The following STK3 variants were observed in gnomAD, a reference collection of about 807,000 sequenced individuals.
The protein encoded by STK3 is serine/threonine kinase 3.
A neutral mutation model predicts 58.0 loss-of-function variants in STK3; 41 were observed. The observed-to-expected ratio is 0.71, with a 90% CI of 0.55 to 0.92. The LOEUF is 0.92. STK3 is among the 40% of genes least tolerant of loss of function. The probability of loss-of-function intolerance (pLI) is 0.00; values close to 1 mark genes in which losing one functional copy is unlikely to be tolerated. For missense variants in STK3, 479 were observed against 602.7 expected (o/e 0.79, Z 2.15); for synonymous variants, 170 against 191.0 (o/e 0.89, Z 0.91).
chr8:98,417,708 G>C (rs1289724246), intron 3 of STK3, among the ~76,000 whole-genome samples: 1 of 151,990 alleles, frequency 6.6e-6, no homozygotes, highest in Non-Finnish European at 1.5e-5. Context: ...CTAGTTACTA[G>C]ACGTTAATCC....
intron 1 of STK3, among the ~76,000 whole-genome samples, chr8:98,803,901 G>C (rs1051858757): frequency 6.6e-6 from 1 of 152,050 alleles, no homozygotes; most frequent in Admixed American, 6.6e-5. Context: ...CCAATCTAGT[G>C]GGAAAGATAG....
chr8:98,531,105 C>G (rs1265503664), intron 9 of STK3, among the ~76,000 whole-genome samples: 4 of 152,224 alleles, frequency 2.6e-5, no homozygotes, highest in Non-Finnish European at 5.9e-5. Flanking sequence ...CTTTTTACTT[C>G]CTCCTATGAA....
At chr8:98,726,124 A>C (rs944313707) in intron 4 of STK3, among the ~76,000 whole-genome samples, 2 of 152,212 alleles carry the variant, frequency 1.3e-5, no homozygotes, top group African/African-American at 4.8e-5. Context: ...CTGCCTGCAG[A>C]GGAATGTACA....
At position 98,422,427 on chromosome 8, in the gene STK3, C is replaced by T. The variant is rs552139486; in HGVS notation, n.483+11700G>A. On this transcript the variant is annotated intron_variant and non_coding_transcript_variant, in intron 3 of 3. Transcript: ENST00000517832. Reference sequence around the variant, plus strand: ...GCCTCCATCCCCAGCAACGCCCCTGCGCCCTTGCTACTGTAAAGCCACCCA... The same window carrying T: ...GCCTCCATCCCCAGCAACGCCCCTGTGCCCTTGCTACTGTAAAGCCACCCA... Among the ~76,000 whole-genome samples, 57 of 152,274 alleles carry T rather than the reference C, an allele frequency of 3.7e-4. 1 individual carries two copies. The South Asian group carries it at 0.01, about 28-fold the overall frequency.
At chr8:98,426,741 G>T (rs1340499638) in intron 3 of STK3, among the ~76,000 whole-genome samples, 3 of 152,174 alleles carry the variant, frequency 2.0e-5, no homozygotes, top group Non-Finnish European at 4.4e-5. Flanking sequence ...AAAGGTCACC[G>T]TAGGCAGCCC....
intron 6 of STK3, among the ~76,000 whole-genome samples, chr8:98,646,644 C>T (rs2130654819): frequency 6.6e-6 from 1 of 152,192 alleles, no homozygotes; most frequent in East Asian, 1.9e-4. Context: ...GGTTCTTATT[C>T]TCCCTCTGTC....
chr8:98,373,914 T>C (rs763310370), intron 2 of STK3, among the ~76,000 whole-genome samples: 1 of 152,178 alleles, frequency 6.6e-6, no homozygotes, highest in Non-Finnish European at 1.5e-5. Flanking sequence ...CCAAAACCTA[T>C]ATTCTTTCCA....
chr8:98,358,316 A>G, the STK3 span, among the ~76,000 whole-genome samples: 1 of 152,134 alleles, frequency 6.6e-6, no homozygotes, highest in Non-Finnish European at 1.5e-5. Flanking sequence ...GGCAGGTCCA[A>G]TCACACGCCC....
At chr8:98,856,699 A>G (rs1037975900) in intron 3 of STK3, among the ~76,000 whole-genome samples, 13 of 152,250 alleles carry the variant, frequency 8.5e-5, no homozygotes, top group Admixed American at 4.6e-4. Context: ...TGATTTCACT[A>G]TTAGGTATAT....
the STK3 span, among the ~76,000 whole-genome samples, chr8:98,348,974 T>C: frequency 6.6e-6 from 1 of 152,244 alleles, no homozygotes; most frequent in Non-Finnish European, 1.5e-5. Context: ...AGCAGCTTTA[T>C]TTATAATTGC....
At chr8:98,370,826 G>A (rs183691089), downstream of STK3, among the ~76,000 whole-genome samples, 3 of 152,302 alleles carry the variant, frequency 2.0e-5, no homozygotes, top group East Asian at 5.8e-4. Flanking sequence ...AACAAGTCAG[G>A]TTAAATCCCA....
intron 9 of STK3, among the ~76,000 whole-genome samples, chr8:98,535,860 C>T (rs1194792024): frequency 1.3e-5 from 2 of 151,962 alleles, no homozygotes. Flanking sequence ...ACCTTCAAAA[C>T]AGAAAGATGG....
chr8:98,838,546 A>G (rs1835836918), intron 3 of STK3, among the ~76,000 whole-genome samples: 1 of 152,226 alleles, frequency 6.6e-6, no homozygotes, highest in African/African-American at 2.4e-5. Flanking sequence ...GAGGAGAGGT[A>G]GATGCTTAGT....
chr8:98,871,755 A>G (rs1056272223), intron 3 of STK3, among the ~76,000 whole-genome samples: 1 of 152,102 alleles, frequency 6.6e-6, no homozygotes, highest in Non-Finnish European at 1.5e-5. Context: ...GAGATGATGG[A>G]GTTTTCTAAA....
At chr8:98,424,446 G>T (rs1393863792) in intron 3 of STK3, among the ~76,000 whole-genome samples, 1 of 152,192 alleles carries the variant, frequency 6.6e-6, no homozygotes, top group African/African-American at 2.4e-5. Context: ...AGGAGGTCGG[G>T]TTGTTGGCAA....
intron 6 of STK3, among the ~76,000 whole-genome samples, chr8:98,618,264 C>T (rs1587039222): frequency 2.7e-5 from 4 of 148,702 alleles, no homozygotes; most frequent in Non-Finnish European, 4.5e-5. Flanking sequence ...AATTCAACAA[C>T]CCTTCATGCT....
chr8:98,447,414 T>G (rs1475267403), intron 1 of STK3, among the ~76,000 whole-genome samples: 1 of 151,886 alleles, frequency 6.6e-6, no homozygotes, highest in East Asian at 1.9e-4. Context: ...ACTAAGGAAA[T>G]GAATTGACTT....
chr8:98,352,931 G>C, the STK3 span, among the ~76,000 whole-genome samples: 2 of 152,116 alleles, frequency 1.3e-5, no homozygotes, highest in African/African-American at 4.8e-5. Context: ...TTTTTTCACT[G>C]TGTCAATGAT....
At position 98,501,252 on chromosome 8, in the gene STK3, G is replaced by T. The variant is rs975099879; in HGVS notation, c.1317+25490C>A. On this transcript the variant is annotated intron_variant, in intron 10 of 10. Coordinates refer to ENST00000419617, the MANE Select transcript of STK3 (RefSeq NM_006281.4). ...CATATCCTTTGCCCACTTTTTGATG[G>T]TTTTTTTTTTCTTGTCAATTTGTTT... 1.3e-4 allele frequency among the ~76,000 whole-genome samples: 20 copies of T among 148,182 alleles called. 1 individual carries two copies. The highest frequency in any genetic ancestry group is 2.1e-4 in the Non-Finnish European group (14 of 66,458).
Sources: allele counts gnomAD v4.1 joint callset (sites outside exome capture counted in the v4.1 genomes callset), GRCh38; gene constraint gnomAD v4.1.1; transcripts MANE v1.5; gene names NCBI Gene and HGNC (gene_info 2026-07-23, HGNC 2026-07-21).